Variants in RAB3GAP2 observed in about 807,000 individuals in gnomAD.
RAB3GAP2 encodes the protein rab3 GTPase-activating protein non-catalytic subunit.
A neutral mutation model predicts 185.3 loss-of-function variants in RAB3GAP2; 87 were observed. The ratio of observed to expected loss-of-function variants is 0.47; its 90% CI spans 0.39 to 0.56. The LOEUF (loss-of-function observed/expected upper bound fraction) is 0.56. RAB3GAP2 is among the 20% of genes least tolerant of loss of function. The pLI, the probability that RAB3GAP2 is intolerant of heterozygous loss-of-function variation, is 0.00. For synonymous variants in RAB3GAP2, 554 were observed against 576.1 expected, an observed-to-expected ratio of 0.96 and a Z score of 0.55; for missense variants, 1,492 against 1,638.2, an observed-to-expected ratio of 0.91 and a Z score of 1.54.
intron 1 of RAB3GAP2, chr1:220,266,868 C>T (rs1411237125): frequency 6.3e-7 from 1 of 1,597,988 alleles, no homozygotes; most frequent in Non-Finnish European, 8.6e-7. Flanking sequence ...GTTACAAAGT[C>T]AGGGAATGTG....
At chr1:220,214,946 T>TTATATATATATATATA (rs10526805) in intron 2 of RAB3GAP2, among the ~76,000 whole-genome samples, 2,220 of 88,766 alleles carry the variant, frequency 0.025, 104 homozygotes, top group African/African-American at 0.034. Context: ...AATAGTAGCA[T>TTATATATATATATATA]TATATATATA....
chr1:220,248,174 C>T (rs1001131285), intron 1 of RAB3GAP2, among the ~76,000 whole-genome samples: 1 of 152,020 alleles, frequency 6.6e-6, no homozygotes, highest in African/African-American at 2.4e-5. Flanking sequence ...TATGATCTCA[C>T]TTATAAGTGG....
chr1:220,246,326 T>G (rs1028116490), intron 1 of RAB3GAP2, among the ~76,000 whole-genome samples: 1 of 151,482 alleles, frequency 6.6e-6, no homozygotes, highest in African/African-American at 2.4e-5. Flanking sequence ...TTGGTGGGAC[T>G]GTAAACTAGT....
At chr1:220,241,126 T>G (rs1426911556) in intron 1 of RAB3GAP2, among the ~76,000 whole-genome samples, 1 of 152,114 alleles carries the variant, frequency 6.6e-6, no homozygotes, top group Non-Finnish European at 1.5e-5. Context: ...AAATAAGAAA[T>G]TCAACTTCTG....
intron 32 of RAB3GAP2, 71 bp from the exon 33 acceptor site, chr1:220,153,477 T>C (rs1657800225): frequency 7.2e-7 from 1 of 1,388,030 alleles, no homozygotes; most frequent in Non-Finnish European, 1.0e-6. Context: ...AACCAAGTAT[T>C]GTTAGCTTTT....
chr1:220,229,973 C>T (rs774917771), intron 2 of RAB3GAP2, among the ~76,000 whole-genome samples: 3 of 152,210 alleles, frequency 2.0e-5, no homozygotes, highest in Non-Finnish European at 4.4e-5. Flanking sequence ...GTGCCATTTA[C>T]ACTATCTCTT....
At chr1:220,163,287 C>T (rs1329116875) in intron 27 of RAB3GAP2, among the ~76,000 whole-genome samples, 1 of 152,136 alleles carries the variant, frequency 6.6e-6, no homozygotes, top group Non-Finnish European at 1.5e-5. Flanking sequence ...AAGCCAGGAA[C>T]CCTACTCGAT....
chr1:220,163,953 C>A (rs770617384), intron 27 of RAB3GAP2, among the ~76,000 whole-genome samples: 4 of 151,692 alleles, frequency 2.6e-5, no homozygotes, highest in Non-Finnish European at 4.4e-5. Context: ...CTCCTCTTAC[C>A]CAGCCTAACA....
In RAB3GAP2 at chr1:220,254,381, G is replaced by A. The variant is rs1037874981; in HGVS notation, c.115+17842C>T. ...CTCCTGAGATTATTTGTACGAATTG[G>A]AGCAATGTTGGCCTATACACCTCTG... is the stretch of plus-strand genomic sequence containing the variant. On this transcript the variant is annotated intron_variant, in intron 1 of 34. Coordinates refer to ENST00000358951, the MANE Select transcript of RAB3GAP2 (RefSeq NM_012414.4). 1.8e-5 allele frequency: 29 copies of A among 1,613,020 alleles called. No homozygotes were observed. The Admixed American group carries it at 4.3e-4, about 24-fold the overall frequency.
chr1:220,159,991 C>T (rs560854817), intron 28 of RAB3GAP2, among the ~76,000 whole-genome samples: 16 of 151,364 alleles, frequency 1.1e-4, no homozygotes, highest in Admixed American at 4.6e-4. Flanking sequence ...CACTCCAGCC[C>T]GGGCAACAGA....
chr1:220,272,078 C>T (rs1660345411), intron 1 of RAB3GAP2, 145 bp downstream of exon 1: 3 of 737,022 alleles, frequency 4.1e-6, no homozygotes, highest in East Asian at 5.4e-5. Context: ...GGCAGGGTGT[C>T]ATCCCGGAGC....
At chr1:220,201,561 G>A (rs1012932910) in intron 9 of RAB3GAP2, among the ~76,000 whole-genome samples, 8 of 152,080 alleles carry the variant, frequency 5.3e-5, no homozygotes, top group South Asian at 2.1e-4. Context: ...GTGCAGTGGC[G>A]TGATCTTGGC....
At chr1:220,178,667 G>A (rs1428315543) in intron 21 of RAB3GAP2, among the ~76,000 whole-genome samples, 2 of 151,890 alleles carry the variant, frequency 1.3e-5, no homozygotes, top group African/African-American at 4.8e-5. Context: ...AAAATCAAAA[G>A]TAGCGAATTG....
chr1:220,266,619 T>A, intron 1 of RAB3GAP2: 1 of 1,182,900 alleles, frequency 8.5e-7, no homozygotes, highest in Admixed American at 1.7e-5. Flanking sequence ...AGGGCAGCAG[T>A]CAATGGTAAA....
intron 14 of RAB3GAP2, 106 bp downstream of exon 14, chr1:220,190,962 T>C: frequency 9.1e-7 from 1 of 1,099,598 alleles, no homozygotes; most frequent in Non-Finnish European, 1.4e-6. Context: ...ATATTGTAAT[T>C]CTCAAACTTG....
chr1:220,270,189 G>A (rs966333520), intron 1 of RAB3GAP2, among the ~76,000 whole-genome samples: 7 of 152,056 alleles, frequency 4.6e-5, no homozygotes, highest in African/African-American at 1.2e-4. Context: ...CCTCAGCTCC[G>A]AGGGCCTTAC....
At chr1:220,239,946 A>G (rs987917193) in intron 1 of RAB3GAP2, among the ~76,000 whole-genome samples, 1 of 151,914 alleles carries the variant, frequency 6.6e-6, no homozygotes, top group Non-Finnish European at 1.5e-5. Flanking sequence ...ATAATTATAA[A>G]AGCCATTGAG....
At chr1:220,245,567 G>A (rs1659792276) in intron 1 of RAB3GAP2, among the ~76,000 whole-genome samples, 2 of 152,146 alleles carry the variant, frequency 1.3e-5, no homozygotes, top group East Asian at 1.9e-4. Context: ...AGATCAAACT[G>A]CAAGGAGGCA....
intron 3 of RAB3GAP2, among the ~76,000 whole-genome samples, 173 bp downstream of exon 3, chr1:220,213,683 G>A (rs1292995428): frequency 8.7e-6 from 1 of 115,446 alleles, no homozygotes; most frequent in Non-Finnish European, 1.7e-5. Flanking sequence ...ATGGAAGGGG[G>A]AGAAAGAGGG....
Sources: gnomAD v4.1 joint callset for allele counts (sites outside exome capture counted in the v4.1 genomes callset) on GRCh38, gnomAD v4.1.1 for gene constraint, MANE v1.5 for transcripts, NCBI Gene and HGNC (gene_info 2026-07-23, HGNC 2026-07-21) for gene names.